Variants in JAK1 observed in about 807,000 individuals in gnomAD.
The protein encoded by JAK1 is Janus kinase 1.
Under a neutral mutation model 136.6 loss-of-function variants are expected in JAK1, and 16 were observed. The observed-to-expected ratio is 0.12, with a 90% CI of 0.08 to 0.18. The LOEUF (loss-of-function observed/expected upper bound fraction) is 0.18. Ranked by LOEUF, JAK1 falls within the 10% of genes least tolerant of loss-of-function variation. The probability of loss-of-function intolerance (pLI) is 1.00; values close to 1 mark genes in which losing one functional copy is unlikely to be tolerated. For synonymous variants in JAK1, 492 were observed against 519.5 expected, an observed-to-expected ratio of 0.95 and a Z score of 0.72; for missense variants, 859 against 1,450.1, an observed-to-expected ratio of 0.59 and a Z score of 6.62.
chr1:64,976,523 C>T (rs1282033710), intron 2 of JAK1, among the ~76,000 whole-genome samples: 2 of 152,162 alleles, frequency 1.3e-5, no homozygotes, highest in East Asian at 3.9e-4. Flanking sequence ...ATTCCTTGGC[C>T]AGAGTCCCCA....
chr1:64,994,380 T>G (rs979794624), intron 2 of JAK1, among the ~76,000 whole-genome samples: 1 of 152,228 alleles, frequency 6.6e-6, no homozygotes, highest in Non-Finnish European at 1.5e-5. Context: ...GAACATATCT[T>G]AGTTTTATGT....
intron 2 of JAK1, among the ~76,000 whole-genome samples, chr1:64,981,416 A>C (rs1403147176): frequency 6.6e-6 from 1 of 152,144 alleles, no homozygotes; most frequent in Non-Finnish European, 1.5e-5. Context: ...CACCCCTGGA[A>C]CGCTCGTGGC....
At chr1:64,985,519 A>T in intron 2 of JAK1, 1 of 1,512,572 alleles carries the variant, frequency 6.6e-7, no homozygotes, top group South Asian at 1.1e-5. Context: ...ATAGCAGGAG[A>T]GATGGGAAAG....
intron 1 of JAK1, among the ~76,000 whole-genome samples, chr1:65,056,044 C>T (rs1210355031): frequency 6.6e-6 from 1 of 152,184 alleles, no homozygotes; most frequent in Non-Finnish European, 1.5e-5. Context: ...GCACTTTTTT[C>T]CACCTGCTCA....
At chr1:64,847,968 G>A in intron 12 of JAK1, 1 of 336,612 alleles carries the variant, frequency 3.0e-6, no homozygotes, top group Non-Finnish European at 5.4e-6. Context: ...TAACATGTCA[G>A]GACACTGCAA....
At chr1:64,847,466 C>A (rs1166114214) in intron 13 of JAK1, 66 bp downstream of exon 13, 2 of 1,584,788 alleles carry the variant, frequency 1.3e-6, no homozygotes. Flanking sequence ...TCTTCTCAAC[C>A]CATTGTGTTC....
chr1:64,975,832 T>C (rs756404922), intron 2 of JAK1, among the ~76,000 whole-genome samples: 2 of 152,156 alleles, frequency 1.3e-5, no homozygotes, highest in African/African-American at 2.4e-5. Flanking sequence ...CCTAGCGCCA[T>C]CCACTTCCTC....
rs566417252 is a variant in JAK1, at chr1:65,006,151, T to C, written c.-78+38329A>G. Reference sequence around the variant, plus strand: ...AGTATCTGTTCCTTATAATGGAGAGTTGAGTTTGGTAAACTCAAATTGTAT... The same window carrying C: ...AGTATCTGTTCCTTATAATGGAGAGCTGAGTTTGGTAAACTCAAATTGTAT... On this transcript the variant is annotated intron_variant, in intron 2 of 25. Transcript: ENST00000671954. Among the ~76,000 whole-genome samples, 4 of 151,750 alleles carry C rather than the reference T, an allele frequency of 2.6e-5. No individual in the cohort carries two copies. The East Asian group carries it at 5.8e-4, about 22-fold the overall frequency.
chr1:64,901,914 G>A (rs1478153418), intron 1 of JAK1, among the ~76,000 whole-genome samples: 1 of 152,142 alleles, frequency 6.6e-6, no homozygotes, highest in African/African-American at 2.4e-5. Context: ...AATGTCCTCA[G>A]GGGATCCATG....
At chr1:64,985,654 T>A in intron 2 of JAK1, 1 of 736,924 alleles carries the variant, frequency 1.4e-6, no homozygotes, top group Non-Finnish European at 2.4e-6. Flanking sequence ...TGCAGGCCAA[T>A]AGGTGAGATG....
chr1:64,995,384 G>A (rs189157584), intron 2 of JAK1, among the ~76,000 whole-genome samples: 17 of 152,156 alleles, frequency 1.1e-4, no homozygotes, highest in Admixed American at 7.2e-4. Flanking sequence ...ACAATCAGAC[G>A]CCACTGAATG....
intron 14 of JAK1, 132 bp from the exon 15 acceptor site, chr1:64,845,772 T>C (rs1381442186): frequency 2.8e-6 from 3 of 1,086,028 alleles, no homozygotes; most frequent in Non-Finnish European, 4.1e-6. Flanking sequence ...GGGGGTGCAA[T>C]GGTGCAGGGG....
chr1:64,892,593 T>C (rs1256803269), intron 1 of JAK1, among the ~76,000 whole-genome samples: 1 of 152,204 alleles, frequency 6.6e-6, no homozygotes, highest in Non-Finnish European at 1.5e-5. Flanking sequence ...GCACAATATG[T>C]GCTTTTTAAT....
chr1:64,844,331 C>G lies in JAK1; in HGVS notation c.2252-116G>C. The G allele has an allele frequency of 7.3e-7, 1 of 1,374,636 alleles. No homozygotes were observed. Among genetic ancestry groups the G allele is most frequent in the Non-Finnish European group, 1.0e-6 (1 of 977,206 alleles). The allele number at this position is 1,374,636 out of a possible 1,614,324, so 85.2% of individuals were successfully genotyped here. A position where few individuals can be genotyped will look rare whatever the true frequency, so the allele number is the denominator to read the frequency against. ...AAGGAACTACTTCAAGCAGTGTGCCCAAACATGGCCCATGGCCACATAGGC... is the reference window on the plus strand; with the variant it reads ...AAGGAACTACTTCAAGCAGTGTGCCGAAACATGGCCCATGGCCACATAGGC... On this transcript the variant is annotated intron_variant, in intron 16 of 24. Transcript: ENST00000342505. This position sits in a 1 kb window ranked among gnomAD's most constrained non-coding sequence, Gnocchi z 5.7.
chr1:64,981,280 T>G (rs1646542928), intron 2 of JAK1, among the ~76,000 whole-genome samples: 1 of 152,240 alleles, frequency 6.6e-6, no homozygotes, highest in South Asian at 2.1e-4. Context: ...ACAGTATTTA[T>G]TGCCTACATC....
In JAK1 at chr1:64,844,047, G is replaced by C. The variant is rs372288263; in HGVS notation, c.2403+17C>G. The C allele has an allele frequency of 6.2e-7, 1 of 1,613,208 alleles. No individual in the cohort carries two copies. ...AAAGCCCTCACTTGCCTCACGCCCC[G>C]GGAAACACCTGCTCACCTCAATCAG... On this transcript the variant is annotated intron_variant, in intron 17 of 24. Coordinates refer to ENST00000342505, the MANE Select transcript of JAK1 (RefSeq NM_002227.4). This position sits in a 1 kb window ranked among gnomAD's most constrained non-coding sequence, Gnocchi z 5.7.
intron 3 of JAK1, among the ~76,000 whole-genome samples, chr1:64,882,454 A>G (rs967874605): frequency 6.6e-6 from 1 of 152,224 alleles, no homozygotes; most frequent in East Asian, 1.9e-4. Flanking sequence ...ACATATTATA[A>G]AATTCACCAA....
At position 64,836,191 on chromosome 1, in the gene JAK1, T is replaced by C. The variant is rs1654468080; in HGVS notation, c.3165A>G (p.Gln1055=). Reference sequence around the variant, plus strand: ...CGTCAGAGGCAATATAAAATTTAGATTGCATTAAACATTCTGGAGCATACC... The same window carrying C: ...CGTCAGAGGCAATATAAAATTTAGACTGCATTAAACATTCTGGAGCATACC... The part of the protein sequence containing the change: ...VFWYAPECLM[Q]SKFYIASDVW... Residue 1055 remains glutamine, a synonymous_variant, in exon 23 of 25, where the codon CAA becomes CAG. Transcript: ENST00000342505. The C allele has an allele frequency of 1.9e-6, 3 of 1,610,636 alleles. No homozygotes were observed. Among genetic ancestry groups the C allele is most frequent in the Non-Finnish European group, 1.7e-6 (2 of 1,176,886 alleles).
At chr1:64,950,131 C>T (rs1330905808) in intron 1 of JAK1, among the ~76,000 whole-genome samples, 1 of 152,014 alleles carries the variant, frequency 6.6e-6, no homozygotes, top group East Asian at 1.9e-4. Context: ...AACATTAGGC[C>T]GGGCGCAGTG....
Sources: allele counts gnomAD v4.1 joint callset (sites outside exome capture counted in the v4.1 genomes callset), GRCh38; gene constraint gnomAD v4.1.1; non-coding constraint Gnocchi (gnomAD v3.1); transcripts MANE v1.5; gene names NCBI Gene and HGNC (gene_info 2026-07-23, HGNC 2026-07-21).